PRKG1: variants seen among roughly 807,000 people sequenced by gnomAD.
The protein encoded by PRKG1 is cGMP-dependent protein kinase 1.
In PRKG1, 35 loss-of-function variants were observed where a neutral mutation model predicts 88.1. That is an observed-to-expected ratio of 0.40 (90% CI 0.30 to 0.53). The LOEUF is 0.53. Among genes scored for constraint, PRKG1 ranks in the 20% least tolerant of loss-of-function variants. The pLI is 0.59. For synonymous variants in PRKG1, 303 were observed against 292.5 expected, an observed-to-expected ratio of 1.04 and a Z score of -0.37; for missense variants, 540 against 839.8, an observed-to-expected ratio of 0.64 and a Z score of 4.41.
At chr10:51,239,380 C>G (rs1475338755) in intron 2 of PRKG1, among the ~76,000 whole-genome samples, 1 of 152,290 alleles carries the variant, frequency 6.6e-6, no homozygotes, top group South Asian at 2.1e-4. Flanking sequence ...ATCACACTAA[C>G]AAGTGTATAC....
intron 2 of PRKG1, among the ~76,000 whole-genome samples, chr10:51,168,381 A>T (rs1424831450): frequency 6.6e-6 from 1 of 152,182 alleles, no homozygotes; most frequent in Non-Finnish European, 1.5e-5. Context: ...TTGTATTAAC[A>T]TTTTTGTTTT....
chr10:51,804,790 T>G (rs879676489), intron 4 of PRKG1, 100 bp downstream of exon 4: 9 of 769,176 alleles, frequency 1.2e-5, no homozygotes, highest in Admixed American at 2.5e-5. Flanking sequence ...TTTGCCTTTC[T>G]CTCAGTCATA....
At chr10:52,098,506 C>A (rs1847223718) in intron 7 of PRKG1, among the ~76,000 whole-genome samples, 1 of 152,048 alleles carries the variant, frequency 6.6e-6, no homozygotes, top group Non-Finnish European at 1.5e-5. Context: ...AAATAAAAAG[C>A]AGGAAAGACA....
intron 2 of PRKG1, among the ~76,000 whole-genome samples, chr10:51,340,357 C>G (rs1841977705): frequency 6.6e-6 from 1 of 152,066 alleles, no homozygotes; most frequent in African/African-American, 2.4e-5. Flanking sequence ...AAGGTTTTGA[C>G]TTTGCCAAAC....
In PRKG1 at chr10:51,574,066, T is replaced by G. The variant is rs181367137; in HGVS notation, c.592+106230T>G. Among the ~76,000 whole-genome samples, 4 of 152,080 alleles carry G rather than the reference T, an allele frequency of 2.6e-5. No individual in the cohort carries two copies. The East Asian group carries it at 7.8e-4, about 29-fold the overall frequency. On this transcript the variant is annotated intron_variant, in intron 3 of 17. Transcript: ENST00000373980. The stretch of plus-strand genomic sequence containing the variant: ...GAGGGCAACTTTACTGTCGATCAGT[T>G]CTGGCCCCAGGAATTCAAAAACACT...
chr10:51,944,014 A>G (rs7070199), intron 5 of PRKG1, among the ~76,000 whole-genome samples: 4,160 of 151,948 alleles, frequency 0.027, 229 homozygotes, highest in African/African-American at 0.095. Context: ...GATTGGAATA[A>G]TTTCAGAAGG....
At chr10:52,194,222 G>C (rs1032708973) in intron 9 of PRKG1, among the ~76,000 whole-genome samples, 2 of 152,124 alleles carry the variant, frequency 1.3e-5, no homozygotes, top group Non-Finnish European at 2.9e-5. Flanking sequence ...ATAATTTCCT[G>C]TTTTTGAAGA....
chr10:51,251,283 C>T (rs990568792), intron 2 of PRKG1, among the ~76,000 whole-genome samples: 15 of 151,720 alleles, frequency 9.9e-5, no homozygotes, highest in African/African-American at 3.6e-4. Flanking sequence ...CTGACAGAAT[C>T]AAGTCTTGGC....
chr10:51,641,718 T>A (rs183455313), intron 3 of PRKG1, among the ~76,000 whole-genome samples: 1 of 152,192 alleles, frequency 6.6e-6, no homozygotes, highest in Non-Finnish European at 1.5e-5. Flanking sequence ...ACTGGCTCAC[T>A]GCTAACCTCC....
chr10:52,050,896 C>A (rs906182624), intron 5 of PRKG1, among the ~76,000 whole-genome samples: 1 of 152,092 alleles, frequency 6.6e-6, no homozygotes. Context: ...TAATTGCTAT[C>A]AGCTGGGGAC....
chr10:52,089,656 A>G (rs1564464252), intron 7 of PRKG1, among the ~76,000 whole-genome samples: 2 of 152,156 alleles, frequency 1.3e-5, no homozygotes, highest in Non-Finnish European at 2.9e-5. Context: ...ATGAATGCAG[A>G]TAAGTAGAGA....
intron 3 of PRKG1, among the ~76,000 whole-genome samples, chr10:51,646,143 A>G (rs1839909766): frequency 6.6e-6 from 1 of 152,158 alleles, no homozygotes; most frequent in Non-Finnish European, 1.5e-5. Context: ...ATGCTATGGA[A>G]ATCTCCAAAG....
At chr10:51,625,553 A>G (rs1839314973) in intron 3 of PRKG1, among the ~76,000 whole-genome samples, 1 of 152,268 alleles carries the variant, frequency 6.6e-6, no homozygotes, top group South Asian at 2.1e-4. Context: ...TGGAATGGGG[A>G]TTAACTGAAA....
chr10:51,801,110 C>A (rs186851779), intron 3 of PRKG1, among the ~76,000 whole-genome samples: 1 of 152,148 alleles, frequency 6.6e-6, no homozygotes, highest in Admixed American at 6.6e-5. Context: ...GCATTTATCC[C>A]TTCATTTGTT....
At chr10:52,277,263 G>A (rs1841895359) in intron 12 of PRKG1, among the ~76,000 whole-genome samples, 1 of 152,078 alleles carries the variant, frequency 6.6e-6, no homozygotes, top group Non-Finnish European at 1.5e-5. Context: ...ATTAGCAAAG[G>A]ATTCTTCAGA....
chr10:51,211,116 C>A (rs368940947), intron 2 of PRKG1, among the ~76,000 whole-genome samples: 4 of 152,212 alleles, frequency 2.6e-5, no homozygotes, highest in Non-Finnish European at 5.9e-5. Flanking sequence ...GCTTATCCAA[C>A]ATGATCAAGT....
At chr10:51,878,537 A>C (rs1469119031) in intron 4 of PRKG1, among the ~76,000 whole-genome samples, 1 of 152,124 alleles carries the variant, frequency 6.6e-6, no homozygotes, top group Admixed American at 6.6e-5. Flanking sequence ...GATCACTAAG[A>C]AAAAAAGTTT....
chr10:52,027,789 T>A (rs1564436462), intron 5 of PRKG1, among the ~76,000 whole-genome samples: 1 of 152,082 alleles, frequency 6.6e-6, no homozygotes, highest in Non-Finnish European at 1.5e-5. Context: ...TTATTATTAT[T>A]ATTATTATTA....
At chr10:51,675,847 C>G (rs920166349) in intron 3 of PRKG1, among the ~76,000 whole-genome samples, 2 of 152,112 alleles carry the variant, frequency 1.3e-5, no homozygotes, top group African/African-American at 4.8e-5. Context: ...ACTGTGGAAG[C>G]CAATAAACTA....
Sources: allele counts gnomAD v4.1 joint callset (sites outside exome capture counted in the v4.1 genomes callset), GRCh38; gene constraint gnomAD v4.1.1; transcripts MANE v1.5; gene names NCBI Gene and HGNC (gene_info 2026-07-23, HGNC 2026-07-21).